Variants in TRPS1 observed in about 807,000 individuals in gnomAD.
TRPS1 encodes transcriptional repressor GATA binding 1, also known as zinc finger transcription factor Trps1.
In TRPS1, 6 loss-of-function variants were observed where a neutral mutation model predicts 101.2. That is an observed-to-expected ratio of 0.06 (90% confidence interval 0.03 to 0.12). The LOEUF (loss-of-function observed/expected upper bound fraction) is 0.12, where lower values mean the gene tolerates loss of function less well. Ranked by LOEUF, TRPS1 falls within the 10% of genes least tolerant of loss-of-function variation. TRPS1 has a pLI of 1.00. For synonymous variants in TRPS1, 578 were observed against 589.8 expected (o/e 0.98, Z 0.29); for missense variants, 1,363 against 1,567.0 (o/e 0.87, Z 2.20).
intron 5 of TRPS1, among the ~76,000 whole-genome samples, chr8:115,550,158 G>A (rs1816670194): frequency 6.6e-6 from 1 of 152,158 alleles, no homozygotes. Context: ...AGGTTGCAGT[G>A]AGCCAAGATC....
intron 5 of TRPS1, among the ~76,000 whole-genome samples, chr8:115,567,775 T>C (rs1255012693): frequency 1.3e-5 from 2 of 152,162 alleles, no homozygotes; most frequent in East Asian, 1.9e-4. Context: ...GGTCCATTTC[T>C]GTCCCTAACG....
intron 5 of TRPS1, among the ~76,000 whole-genome samples, chr8:115,569,951 T>C (rs1338428776): frequency 1.3e-5 from 2 of 152,104 alleles, no homozygotes; most frequent in African/African-American, 4.8e-5. Context: ...TTTGGAGTCA[T>C]GATTTAACAA....
chr8:115,435,675 A>G (rs1813429962), intron 5 of TRPS1, among the ~76,000 whole-genome samples: 2 of 152,164 alleles, frequency 1.3e-5, no homozygotes, highest in Non-Finnish European at 2.9e-5. Context: ...ACTAGTGCTG[A>G]TCATTATTCT....
intron 5 of TRPS1, among the ~76,000 whole-genome samples, chr8:115,499,353 G>A (rs369195728): frequency 5.1e-4 from 78 of 152,084 alleles, no homozygotes; most frequent in East Asian, 2.5e-3. Context: ...ACAATTTTTC[G>A]TTGTTTTCAT....
intron 1 of TRPS1, among the ~76,000 whole-genome samples, chr8:115,626,098 C>T (rs1818502686): frequency 1.3e-5 from 2 of 151,478 alleles, no homozygotes; most frequent in Admixed American, 6.6e-5. Flanking sequence ...TTTAAAAAAA[C>T]TTTTAAAAGA....
chr8:115,475,266 T>TTTATATATATATA (rs1416101277), intron 5 of TRPS1, among the ~76,000 whole-genome samples: 4 of 124,004 alleles, frequency 3.2e-5, no homozygotes, highest in African/African-American at 1.4e-4. Flanking sequence ...TGAATCACAG[T>TTTATATATATATA]TATATATATA....
At chr8:115,601,552 T>C (rs1034391806) in intron 4 of TRPS1, among the ~76,000 whole-genome samples, 4 of 152,152 alleles carry the variant, frequency 2.6e-5, no homozygotes, top group Non-Finnish European at 1.5e-5. Flanking sequence ...CTCAGCACCT[T>C]AAAGGATCCC....
At chr8:115,426,128 G>T (rs1232379854) in intron 5 of TRPS1, among the ~76,000 whole-genome samples, 1 of 152,026 alleles carries the variant, frequency 6.6e-6, no homozygotes, top group Non-Finnish European at 1.5e-5. Flanking sequence ...TACAACAATG[G>T]CTGGAAAGTA....
At chr8:115,566,727 A>G (rs1280318910) in intron 5 of TRPS1, among the ~76,000 whole-genome samples, 1 of 152,144 alleles carries the variant, frequency 6.6e-6, no homozygotes, top group African/African-American at 2.4e-5. Context: ...AGACAGCTAC[A>G]AAAGTTCTAA....
In TRPS1 at chr8:115,533,434, C is replaced by CTTTTTTTTTTTT. The variant is rs1427634638; in HGVS notation, c.2700+53566_2700+53567insAAAAAAAAAAAA. Among the ~76,000 whole-genome samples the CTTTTTTTTTTTT allele has an allele frequency of 2.2e-3, 72 of 32,250 alleles. 1 individual carries two copies. Among genetic ancestry groups the CTTTTTTTTTTTT allele is most frequent in the Admixed American group, 3.8e-3 (9 of 2,358 alleles). 21.2% of individuals were successfully genotyped at this position (32,250 alleles called of 152,430 possible). A position where few individuals can be genotyped will look rare whatever the true frequency, so the allele number is the denominator to read the frequency against. ...AAGGGGCCCGCTTCCCACATGTAAT[C>CTTTTTTTTTTTT]TGTTTTTTTTTTTTTTTTTTTTTTT... On this transcript the variant is annotated intron_variant, in intron 5 of 6. Transcript: ENST00000395715.
chr8:115,487,919 T>G (rs1196718223), intron 5 of TRPS1, among the ~76,000 whole-genome samples: 2 of 152,230 alleles, frequency 1.3e-5, no homozygotes, highest in Non-Finnish European at 2.9e-5. Flanking sequence ...TTGAGAGGGT[T>G]GACTCCAATT....
intron 5 of TRPS1, among the ~76,000 whole-genome samples, chr8:115,570,188 T>C (rs1055521238): frequency 1.3e-5 from 2 of 152,060 alleles, no homozygotes; most frequent in African/African-American, 4.8e-5. Flanking sequence ...AACCCTAAAT[T>C]GCTGTAATTG....
chr8:115,590,459 T>C (rs1817655417), intron 4 of TRPS1, among the ~76,000 whole-genome samples: 1 of 152,154 alleles, frequency 6.6e-6, no homozygotes, highest in Non-Finnish European at 1.5e-5. Context: ...GCTCCAGTGA[T>C]AAAATGCCAA....
intron 5 of TRPS1, among the ~76,000 whole-genome samples, chr8:115,569,685 T>C (rs183616683): frequency 5.9e-5 from 9 of 152,248 alleles, no homozygotes; most frequent in Admixed American, 6.6e-5. Flanking sequence ...TAAAATGATA[T>C]AGATAAATGG....
At chr8:115,491,349 G>C (rs1159059487) in intron 5 of TRPS1, among the ~76,000 whole-genome samples, 1 of 152,150 alleles carries the variant, frequency 6.6e-6, no homozygotes. Flanking sequence ...AAAGAGAAGT[G>C]GCAATATGTA....
chr8:115,440,192 C>T (rs141661014), intron 5 of TRPS1, among the ~76,000 whole-genome samples: 93 of 152,286 alleles, frequency 6.1e-4, no homozygotes, highest in Non-Finnish European at 9.9e-4. Flanking sequence ...TAAATTTTTA[C>T]GTACACCAAG....
intron 6 of TRPS1, among the ~76,000 whole-genome samples, chr8:115,416,228 T>C (rs911915434): frequency 6.6e-6 from 1 of 151,984 alleles, no homozygotes; most frequent in Admixed American, 6.6e-5. Flanking sequence ...TTTATGGACA[T>C]GTTCAACAGG....
At chr8:115,416,276 A>G (rs1236291620) in intron 6 of TRPS1, among the ~76,000 whole-genome samples, 1 of 151,916 alleles carries the variant, frequency 6.6e-6, no homozygotes, top group Non-Finnish European at 1.5e-5. Flanking sequence ...GGATAAGACT[A>G]TAATAAAAAC....
At chr8:115,465,796 T>A (rs1671414899) in intron 5 of TRPS1, among the ~76,000 whole-genome samples, 1 of 152,172 alleles carries the variant, frequency 6.6e-6, no homozygotes, top group Admixed American at 6.6e-5. Flanking sequence ...TTTTAGCTTA[T>A]AACAGCTCAC....
Sources: allele counts gnomAD v4.1 joint callset (sites outside exome capture counted in the v4.1 genomes callset), GRCh38; gene constraint gnomAD v4.1.1; transcripts MANE v1.5; gene names NCBI Gene and HGNC (gene_info 2026-07-23, HGNC 2026-07-21).